Variants in TENM2 observed in about 807,000 individuals in gnomAD.
TENM2 encodes the protein teneurin transmembrane protein 2.
TENM2 carries 52 observed loss-of-function variants against 245.2 expected under a neutral mutation model. The ratio of observed to expected loss-of-function variants is 0.21; its 90% CI spans 0.17 to 0.27. TENM2 has a LOEUF of 0.27. Ranked by LOEUF, TENM2 falls within the 10% of genes least tolerant of loss-of-function variation. The pLI, the probability that TENM2 is intolerant of heterozygous loss-of-function variation, is 1.00. For missense variants in TENM2, 3,046 were observed against 3,666.8 expected (o/e 0.83, Z 4.37); for synonymous variants, 1,363 against 1,438.9 (o/e 0.95, Z 1.19).
chr5:167,426,779 G>A (rs73801216), intron 2 of TENM2, among the ~76,000 whole-genome samples: 21,178 of 152,006 alleles, frequency 0.14, 1,541 homozygotes, highest in Middle Eastern at 0.17. Context: ...ATGTTTATCA[G>A]GAATTTGGAA....
At chr5:167,164,552 A>G in the TENM2 span, among the ~76,000 whole-genome samples, 1 of 152,200 alleles carries the variant, frequency 6.6e-6, no homozygotes, top group Non-Finnish European at 1.5e-5. Flanking sequence ...AGCACCATAG[A>G]AAGAATAGTT....
chr5:167,533,533 G>A (rs1437585436), intron 2 of TENM2, among the ~76,000 whole-genome samples: 1 of 152,080 alleles, frequency 6.6e-6, no homozygotes, highest in African/African-American at 2.4e-5. Flanking sequence ...GCTCACCGTA[G>A]CCTTGACCTA....
At chr5:167,585,422 A>G (rs1206158501) in intron 2 of TENM2, among the ~76,000 whole-genome samples, 1 of 152,262 alleles carries the variant, frequency 6.6e-6, no homozygotes, top group South Asian at 2.1e-4. Context: ...CATTGTGATC[A>G]TGAATACAGA....
rs58825054 is a variant in TENM2 at position 168,156,247 on chromosome 5, T to TAA, written c.2423-6346_2423-6345dup. On this transcript the variant is annotated intron_variant, in intron 12 of 28. Transcript: ENST00000518659. ...ACCAGGTTAAGGTTTTCCCCATAGTTAAAAAAAAAAAAAAAAAAACACTTT... is the reference window on the plus strand; with the variant it reads ...ACCAGGTTAAGGTTTTCCCCATAGTTAAAAAAAAAAAAAAAAAAAAACACTTT... Among the ~76,000 whole-genome samples, 384 of 80,790 alleles carry TAA rather than the reference T, an allele frequency of 4.8e-3. 10 individuals are homozygous for TAA. Among genetic ancestry groups the TAA allele is most frequent in the African/African-American group, 0.02 (362 of 17,998 alleles). The allele number at this position is 80,790 out of a possible 152,430, so 53.0% of individuals were successfully genotyped here. A position where few individuals can be genotyped will look rare whatever the true frequency, so the allele number is the denominator to read the frequency against.
the TENM2 span, among the ~76,000 whole-genome samples, chr5:167,014,764 C>T: frequency 2.1e-4 from 32 of 152,266 alleles, no homozygotes; most frequent in Middle Eastern, 3.4e-3. Context: ...CCAGATTCAA[C>T]GCTGCTTAGA....
the TENM2 span, among the ~76,000 whole-genome samples, chr5:167,264,408 G>A: frequency 6.6e-6 from 1 of 152,106 alleles, no homozygotes; most frequent in African/African-American, 2.4e-5. Flanking sequence ...ACAAGATGGG[G>A]CATACGTGAA....
intron 12 of TENM2, among the ~76,000 whole-genome samples, chr5:168,162,033 TC>T (rs1757792366): frequency 6.6e-6 from 1 of 152,192 alleles, no homozygotes; most frequent in African/African-American, 2.4e-5. Context: ...GCAGCCAACA[TC>T]TTTAAGTGCC....
intron 1 of TENM2, among the ~76,000 whole-genome samples, chr5:167,354,932 T>A (rs1759208922): frequency 6.6e-6 from 1 of 152,208 alleles, no homozygotes; most frequent in East Asian, 1.9e-4. Flanking sequence ...TATTTGCCAT[T>A]GAGTACAGGC....
the TENM2 span, among the ~76,000 whole-genome samples, chr5:167,271,639 G>GT: frequency 1.3e-5 from 2 of 152,132 alleles, no homozygotes; most frequent in Non-Finnish European, 2.9e-5. Flanking sequence ...CGTAAAAAAT[G>GT]TTTTTCATTT....
intron 3 of TENM2, among the ~76,000 whole-genome samples, chr5:167,931,985 G>A (rs1157991047): frequency 6.6e-6 from 1 of 152,138 alleles, no homozygotes. Flanking sequence ...TTTCAATAAA[G>A]CCCAAATAGT....
the TENM2 span, among the ~76,000 whole-genome samples, chr5:167,007,703 CTTGTA>C: frequency 2.6e-5 from 4 of 152,184 alleles, no homozygotes; most frequent in Non-Finnish European, 4.4e-5. The surrounding 1 kb of genome is among the most constrained non-coding windows in gnomAD (Gnocchi z 4.2). Flanking sequence ...ACCACCTCCA[CTTGTA>C]TATAGTGCTC....
intron 2 of TENM2, among the ~76,000 whole-genome samples, chr5:167,681,280 A>C (rs1756689154): frequency 6.6e-6 from 1 of 152,162 alleles, no homozygotes; most frequent in African/African-American, 2.4e-5. Context: ...GGAATTATAC[A>C]CTACATATAG....
intron 19 of TENM2, among the ~76,000 whole-genome samples, chr5:168,207,527 G>A (rs182603984): frequency 5.9e-5 from 9 of 152,242 alleles, no homozygotes; most frequent in South Asian, 4.1e-4. Flanking sequence ...ACCCAGAGCC[G>A]ATTAGAAGTT....
At chr5:167,292,356 C>T (rs1754689013) in intron 1 of TENM2, among the ~76,000 whole-genome samples, 1 of 152,148 alleles carries the variant, frequency 6.6e-6, no homozygotes, top group South Asian at 2.1e-4. Context: ...GGTATCACAG[C>T]CTTGCATTTT....
At chr5:167,733,596 G>T (rs1332786772) in intron 2 of TENM2, among the ~76,000 whole-genome samples, 1 of 152,184 alleles carries the variant, frequency 6.6e-6, no homozygotes, top group African/African-American at 2.4e-5. Context: ...TTGCGCCAGA[G>T]TACCTATCCC....
At chr5:167,277,432 A>G in the TENM2 span, among the ~76,000 whole-genome samples, 9 of 152,076 alleles carry the variant, frequency 5.9e-5, no homozygotes, top group Admixed American at 3.3e-4. Context: ...CTTATTTTCT[A>G]TTACTGATTC....
intron 1 of TENM2, among the ~76,000 whole-genome samples, chr5:167,330,813 G>A (rs1161739983): frequency 6.6e-6 from 1 of 152,114 alleles, no homozygotes; most frequent in Non-Finnish European, 1.5e-5. Context: ...TCTTATGTTT[G>A]TAGCTTATTC....
intron 2 of TENM2, among the ~76,000 whole-genome samples, chr5:167,858,743 C>T (rs1771329565): frequency 6.6e-6 from 1 of 150,806 alleles, no homozygotes; most frequent in African/African-American, 2.4e-5. Context: ...CCGCCGCCGC[C>T]CGACCGCCGG....
chr5:168,233,920 G>T (rs1765177853), intron 25 of TENM2, among the ~76,000 whole-genome samples: 1 of 152,086 alleles, frequency 6.6e-6, no homozygotes, highest in Admixed American at 6.6e-5. Flanking sequence ...AATAGCACGG[G>T]AAAGATCGGC....
Sources: gnomAD v4.1 joint callset for allele counts (sites outside exome capture counted in the v4.1 genomes callset) on GRCh38, gnomAD v4.1.1 for gene constraint, Gnocchi (gnomAD v3.1) non-coding constraint, MANE v1.5 for transcripts, NCBI Gene and HGNC (gene_info 2026-07-23, HGNC 2026-07-21) for gene names.